PARD3: variants seen among roughly 807,000 people sequenced by gnomAD.
PARD3 encodes the protein partitioning defective 3 homolog.
PARD3 carries 75 observed loss-of-function variants against 155.4 expected under a neutral mutation model. That is an observed-to-expected ratio of 0.48 (90% CI 0.40 to 0.58). PARD3 has a LOEUF of 0.58. Ranked by LOEUF, PARD3 falls within the 20% of genes least tolerant of loss-of-function variation. The pLI, the probability that PARD3 is intolerant of heterozygous loss-of-function variation, is 0.00. For synonymous variants in PARD3, 576 were observed against 610.5 expected, an observed-to-expected ratio of 0.94 and a Z score of 0.83; for missense variants, 1,642 against 1,721.7, an observed-to-expected ratio of 0.95 and a Z score of 0.82.
chr10:34,788,954 T>G (rs1424608055), intron 1 of PARD3, among the ~76,000 whole-genome samples: 1 of 152,220 alleles, frequency 6.6e-6, no homozygotes, highest in Non-Finnish European at 1.5e-5. Context: ...ACTGAGGGCC[T>G]TGAAATGTTC....
At chr10:34,143,520 TTTTC>T (rs1394609243) in intron 22 of PARD3, among the ~76,000 whole-genome samples, 2 of 152,228 alleles carry the variant, frequency 1.3e-5, no homozygotes, top group Non-Finnish European at 2.9e-5. Flanking sequence ...AAGGCGAACA[TTTTC>T]TTTGTTTTTG....
chr10:34,762,156 A>G (rs1837520093), intron 1 of PARD3, among the ~76,000 whole-genome samples: 1 of 152,150 alleles, frequency 6.6e-6, no homozygotes, highest in African/African-American at 2.4e-5. Flanking sequence ...CACTCCTACA[A>G]TAGGTTCAGG....
chr10:34,675,241 T>C (rs2093683878), intron 2 of PARD3, among the ~76,000 whole-genome samples: 2 of 152,252 alleles, frequency 1.3e-5, no homozygotes, highest in African/African-American at 4.8e-5. Flanking sequence ...CATCATTGTT[T>C]TTCTGCTGTT....
chr10:34,120,797 A>G (rs1362769876), intron 23 of PARD3, among the ~76,000 whole-genome samples: 4 of 152,236 alleles, frequency 2.6e-5, no homozygotes, highest in Non-Finnish European at 5.9e-5. Flanking sequence ...TCCCCTATAG[A>G]GAACACTTCA....
At chr10:34,626,020 C>A (rs1257433031) in intron 2 of PARD3, among the ~76,000 whole-genome samples, 1 of 152,210 alleles carries the variant, frequency 6.6e-6, no homozygotes, top group East Asian at 1.9e-4. Flanking sequence ...AATCAATATT[C>A]TATCTCAAAA....
chr10:34,804,037 T>G (rs922969115), intron 1 of PARD3, among the ~76,000 whole-genome samples: 3 of 64,018 alleles, frequency 4.7e-5, no homozygotes, highest in Non-Finnish European at 8.0e-5. Flanking sequence ...TTGTTTTTGT[T>G]TTTTTTTTTT....
intron 22 of PARD3, among the ~76,000 whole-genome samples, chr10:34,203,958 G>A (rs932427306): frequency 2.0e-5 from 3 of 152,174 alleles, no homozygotes; most frequent in Non-Finnish European, 4.4e-5. Context: ...CCTCAAAGAC[G>A]CCTCTCATGT....
intron 2 of PARD3, among the ~76,000 whole-genome samples, chr10:34,630,312 T>TCC (rs2092200153): frequency 6.6e-6 from 1 of 152,208 alleles, no homozygotes; most frequent in South Asian, 2.1e-4. Context: ...CCTGCCCAGA[T>TCC]GTGGCAGAGA....
At chr10:34,727,482 G>A (rs1190115787) in intron 1 of PARD3, among the ~76,000 whole-genome samples, 6 of 152,226 alleles carry the variant, frequency 3.9e-5, no homozygotes, top group Non-Finnish European at 8.8e-5. Flanking sequence ...ACACCTGCAA[G>A]CACAAAGAAC....
At chr10:34,579,235 G>A (rs1003719258) in intron 2 of PARD3, among the ~76,000 whole-genome samples, 6 of 150,644 alleles carry the variant, frequency 4.0e-5, no homozygotes, top group South Asian at 2.1e-4. Flanking sequence ...GCGCCACTGC[G>A]CTCCAGCCTG....
chr10:34,683,565 G>A (rs2133361639), intron 2 of PARD3, among the ~76,000 whole-genome samples: 1 of 150,432 alleles, frequency 6.6e-6, no homozygotes, highest in East Asian at 1.9e-4. Context: ...CAAAGCAACA[G>A]AAAAGCACAG....
intron 22 of PARD3, among the ~76,000 whole-genome samples, chr10:34,143,060 G>A (rs764185581): frequency 2.6e-5 from 4 of 152,318 alleles, no homozygotes; most frequent in Non-Finnish European, 5.9e-5. Flanking sequence ...GGTGGCTTAT[G>A]CCTGTAATCC....
chr10:34,522,689 T>C (rs916190942), intron 2 of PARD3, among the ~76,000 whole-genome samples: 1 of 152,048 alleles, frequency 6.6e-6, no homozygotes, highest in African/African-American at 2.4e-5. Context: ...TGCTAGAAAA[T>C]GCATGTTCAA....
At chr10:34,626,399 T>C (rs894015751) in intron 2 of PARD3, among the ~76,000 whole-genome samples, 11 of 152,166 alleles carry the variant, frequency 7.2e-5, no homozygotes, top group African/African-American at 9.7e-5. Flanking sequence ...CTCTCTCTCT[T>C]TCTTTCTTTC....
chr10:34,402,730 T>C (rs1382918071), intron 5 of PARD3, among the ~76,000 whole-genome samples: 2 of 152,192 alleles, frequency 1.3e-5, no homozygotes, highest in African/African-American at 2.4e-5. Context: ...TTTACACATG[T>C]CAGTTTAGTG....
intron 22 of PARD3, among the ~76,000 whole-genome samples, chr10:34,235,896 T>C (rs1363615850): frequency 6.6e-6 from 1 of 152,212 alleles, no homozygotes; most frequent in Non-Finnish European, 1.5e-5. Context: ...ATGGTATTTC[T>C]CTCTAAAAAT....
intron 3 of PARD3, among the ~76,000 whole-genome samples, chr10:34,499,774 A>C (rs2080554649): frequency 6.6e-6 from 1 of 152,212 alleles, no homozygotes; most frequent in African/African-American, 2.4e-5. Flanking sequence ...AGGGCTGAGA[A>C]GAAAGGAGAG....
At chr10:34,117,634 A>G (rs1041037703) in intron 24 of PARD3, among the ~76,000 whole-genome samples, 1 of 152,172 alleles carries the variant, frequency 6.6e-6, no homozygotes, top group African/African-American at 2.4e-5. Context: ...ATTTGGGGCC[A>G]GGTGTGGTGG....
At chr10:34,549,797 C>T (rs951656958) in intron 2 of PARD3, among the ~76,000 whole-genome samples, 4 of 152,054 alleles carry the variant, frequency 2.6e-5, no homozygotes, top group African/African-American at 9.7e-5. Flanking sequence ...TTAGATGAGG[C>T]ATACTCTCCC....
Sources: allele counts gnomAD v4.1 joint callset (sites outside exome capture counted in the v4.1 genomes callset), GRCh38; gene constraint gnomAD v4.1.1; transcripts MANE v1.5; gene names NCBI Gene and HGNC (gene_info 2026-07-23, HGNC 2026-07-21).